The following CLIP2 variants were observed in gnomAD, a reference collection of about 807,000 sequenced individuals.
The protein encoded by CLIP2 is CAP-Gly domain-containing linker protein 2.
CLIP2 carries 41 observed loss-of-function variants against 111.7 expected under a neutral mutation model. The ratio of observed to expected loss-of-function variants is 0.37; its 90% confidence interval spans 0.29 to 0.48. CLIP2 has a LOEUF of 0.48. Among genes scored for constraint, CLIP2 ranks in the 20% least tolerant of loss-of-function variants. The pLI is 0.99. For synonymous variants in CLIP2, 660 were observed against 644.2 expected (o/e 1.02, Z -0.37); for missense variants, 1,160 against 1,422.1 (o/e 0.82, Z 2.96).
chr7:74,396,772 C>T (rs112433923), intron 13 of CLIP2, among the ~76,000 whole-genome samples: 10 of 152,208 alleles, frequency 6.6e-5, no homozygotes, highest in African/African-American at 2.2e-4. Context: ...CCGCCCACCT[C>T]GGCCTTCTGA....
intron 14 of CLIP2, 92 bp from the exon 15 acceptor site, chr7:74,400,278 T>A: frequency 8.8e-7 from 1 of 1,136,854 alleles, no homozygotes; most frequent in South Asian, 1.7e-5. Flanking sequence ...AGAGACAAAG[T>A]GAGGCTGGAA....
chr7:74,377,392 C>T (rs939732660), intron 10 of CLIP2, among the ~76,000 whole-genome samples: 1 of 152,178 alleles, frequency 6.6e-6, no homozygotes, highest in African/African-American at 2.4e-5. Flanking sequence ...CTAAAGAGGT[C>T]GCTGTCACCA....
intron 5 of CLIP2, among the ~76,000 whole-genome samples, chr7:74,356,916 G>A (rs1008931766): frequency 5.9e-5 from 9 of 152,172 alleles, no homozygotes; most frequent in African/African-American, 2.2e-4. Context: ...CTGGATGAAG[G>A]GAAAAGAGGA....
chr7:74,293,842 C>A (rs190059233), intron 1 of CLIP2, among the ~76,000 whole-genome samples: 1 of 151,674 alleles, frequency 6.6e-6, no homozygotes. Flanking sequence ...AGCCCTGCCC[C>A]GGGACAGGAG....
At chr7:74,336,180 G>A (rs983778730) in intron 2 of CLIP2, among the ~76,000 whole-genome samples, 1 of 151,870 alleles carries the variant, frequency 6.6e-6, no homozygotes, top group African/African-American at 2.4e-5. Flanking sequence ...CAATTCTCCT[G>A]CCTCAGCCTC....
chr7:74,372,555 A>T (rs1790658616), intron 8 of CLIP2, among the ~76,000 whole-genome samples: 1 of 151,750 alleles, frequency 6.6e-6, no homozygotes, highest in Non-Finnish European at 1.5e-5. Flanking sequence ...CAGATCCTTG[A>T]TGAGGACCTT....
chr7:74,301,765 T>A (rs1788344187), intron 1 of CLIP2, among the ~76,000 whole-genome samples: 1 of 151,274 alleles, frequency 6.6e-6, no homozygotes, highest in East Asian at 1.9e-4. Flanking sequence ...AAGACTGGAG[T>A]GCGCTGGCGT....
intron 2 of CLIP2, among the ~76,000 whole-genome samples, chr7:74,328,302 G>A (rs1554730885): frequency 5.3e-5 from 8 of 152,206 alleles, no homozygotes. Flanking sequence ...CTGCCTTTGA[G>A]CACCTTCGGG....
Position 74,357,342 on chromosome 7 carries a change from A to G in CLIP2, c.1080A>G (p.Ala360=). The change falls in exon 6 of 17, where the codon GCA becomes GCG. Residue 360 remains alanine (A), a synonymous_variant. Coordinates refer to ENST00000223398, the MANE Select transcript of CLIP2 (RefSeq NM_003388.5). Reference sequence around the variant, plus strand: ...CGGGCACCACGGCCTTGCAGGAGGCACTGAAGGAGAAGCAGCAGCACATTG... The same window carrying G: ...CGGGCACCACGGCCTTGCAGGAGGCGCTGAAGGAGAAGCAGCAGCACATTG... ...KISGTTALQE[A]LKEKQQHIEQ... 1.2e-6 allele frequency: 2 copies of G among 1,614,188 alleles called. No individual in the cohort carries two copies. The highest frequency in any genetic ancestry group is 1.7e-6 in the Non-Finnish European group (2 of 1,180,008).
chr7:74,335,956 T>A (rs7807448), intron 2 of CLIP2, among the ~76,000 whole-genome samples: 92,552 of 150,638 alleles, frequency 0.61, 30,323 homozygotes, highest in Middle Eastern at 0.76. Context: ...GTTAGCCAGG[T>A]TGGTCTCAAT....
chr7:74,351,868 T>C (rs951692787), intron 3 of CLIP2, among the ~76,000 whole-genome samples: 4 of 151,720 alleles, frequency 2.6e-5, no homozygotes, highest in African/African-American at 9.7e-5. Context: ...TAAAATACAA[T>C]AACATAACCT....
intron 10 of CLIP2, among the ~76,000 whole-genome samples, chr7:74,379,753 G>A (rs542897100): frequency 6.6e-6 from 1 of 152,062 alleles, no homozygotes; most frequent in African/African-American, 2.4e-5. Context: ...GCGACGGAGT[G>A]AGACTCCATC....
chr7:74,371,540 AAG>A (rs1369981157), intron 8 of CLIP2, among the ~76,000 whole-genome samples: 3 of 145,442 alleles, frequency 2.1e-5, no homozygotes, highest in African/African-American at 7.6e-5. Flanking sequence ...AGAGGAGAGA[AAG>A]AGAGAGGGAG....
Position 74,376,942 on chromosome 7 carries a change from G to A in CLIP2, c.2421+120G>A, listed in dbSNP as rs1383719142. ...CCTTGTCCCCGAGAGCATGCCTGGG[G>A]CAGTCAAGGAAGGGGTCACCTGGCT... On this transcript the variant is annotated intron_variant, in intron 10 of 16. Coordinates refer to ENST00000223398, the MANE Select transcript of CLIP2 (RefSeq NM_003388.5). This position sits in a 1 kb window ranked among gnomAD's most constrained non-coding sequence, Gnocchi z 7.1. The A allele has an allele frequency of 6.6e-6, 7 of 1,064,030 alleles. No homozygotes were observed. Among genetic ancestry groups the A allele is most frequent in the Admixed American group, 5.8e-5 (2 of 34,496 alleles). The allele number at this position is 1,064,030 out of a possible 1,614,324, so 65.9% of individuals were successfully genotyped here.
intron 1 of CLIP2, among the ~76,000 whole-genome samples, chr7:74,299,843 A>AT (rs56953151): frequency 0.59 from 89,508 of 150,674 alleles, 29,360 homozygotes; most frequent in Non-Finnish European, 0.75. Context: ...GATTACAGGC[A>AT]TGTGCCCCCA....
intron 12 of CLIP2, among the ~76,000 whole-genome samples, chr7:74,387,073 G>A (rs146877002): frequency 1.6e-4 from 24 of 149,766 alleles, no homozygotes; most frequent in African/African-American, 5.2e-4. Flanking sequence ...GCACCAGACA[G>A]ACATGTACCT....
intron 8 of CLIP2, among the ~76,000 whole-genome samples, chr7:74,365,623 G>A (rs1302963426): frequency 6.6e-6 from 1 of 151,534 alleles, no homozygotes; most frequent in Non-Finnish European, 1.5e-5. Flanking sequence ...GACAGACAGT[G>A]ACAGCTAAGT....
chr7:74,323,450 TAG>T (rs1367149765), intron 2 of CLIP2, among the ~76,000 whole-genome samples: 3 of 151,214 alleles, frequency 2.0e-5, no homozygotes, highest in African/African-American at 7.3e-5. Context: ...TTTTTTGAGA[TAG>T]AGTTTTACTC....
intron 2 of CLIP2, among the ~76,000 whole-genome samples, chr7:74,322,654 CA>C (rs1367332242): frequency 6.6e-6 from 1 of 151,928 alleles, no homozygotes; most frequent in Non-Finnish European, 1.5e-5. Flanking sequence ...TCCATCCTCA[CA>C]CCTTGACCTC....
Sources: gnomAD v4.1 joint callset for allele counts (sites outside exome capture counted in the v4.1 genomes callset) on GRCh38, gnomAD v4.1.1 for gene constraint, Gnocchi (gnomAD v3.1) non-coding constraint, MANE v1.5 for transcripts, NCBI Gene and HGNC (gene_info 2026-07-23, HGNC 2026-07-21) for gene names.